TTN: variants seen among roughly 807,000 people sequenced by gnomAD.
The protein encoded by TTN is connectin.
A neutral mutation model predicts 3,223.0 loss-of-function variants in TTN; 1,525 were observed. That is an observed-to-expected ratio of 0.47 (90% CI 0.45 to 0.49). TTN has a LOEUF of 0.49. TTN is among the 20% of genes least tolerant of loss of function. The pLI, the probability that TTN is intolerant of heterozygous loss-of-function variation, is 0.00. For missense variants in TTN, 40,786 were observed against 43,424.0 expected, an observed-to-expected ratio of 0.94 and a Z score of 5.40; for synonymous variants, 14,094 against 15,161.0, an observed-to-expected ratio of 0.93 and a Z score of 5.17.
In TTN at chr2:178,560,915, A is replaced by G. The variant is rs1559292657; in HGVS notation, c.85217T>C (p.Ile28406Thr). The G allele has an allele frequency of 6.2e-7, 1 of 1,613,710 alleles. No individual in the cohort carries two copies. The highest frequency in any genetic ancestry group is 1.7e-5 in the Admixed American group (1 of 59,978). ...CAAAGTATGATTGTCTGTTGAGATG[A>G]TTTCTGTTCTTGCTCTTTCTTCAAT... Reference protein sequence around the residue: ...IEIEERARTEIISTDNHTLLT... With the variant: ...IEIEERARTETISTDNHTLLT... Residue 28406 changes from isoleucine (I) to threonine (T), a missense_variant, in exon 326 of 363, where the codon ATC (isoleucine) becomes ACC (threonine). Transcript: ENST00000589042.
In TTN at chr2:178,736,157, A is replaced by T. The variant is rs922002801; in HGVS notation, c.14372-83T>A. The T allele has an allele frequency of 2.4e-6, 3 of 1,275,818 alleles. No individual in the cohort carries two copies. In the African/African-American group the frequency reaches 4.5e-5, roughly 19 times the overall value. The allele number at this position is 1,275,818 out of a possible 1,614,324, so 79.0% of individuals were successfully genotyped here. A position where few individuals can be genotyped will look rare whatever the true frequency, so the allele number is the denominator to read the frequency against. On this transcript the variant is annotated intron_variant, in intron 49 of 362. Coordinates refer to ENST00000589042, the MANE Select transcript of TTN (RefSeq NM_001267550.2). Reference sequence around the variant, plus strand: ...TTATATATTCCAAGACAGAGAAAAGATGAGTTAAGTCTTTAGATAGACATG... The same window carrying T: ...TTATATATTCCAAGACAGAGAAAAGTTGAGTTAAGTCTTTAGATAGACATG...
At chr2:178,610,802 C>A (rs889766807) in intron 270 of TTN, among the ~76,000 whole-genome samples, 191 bp downstream of exon 270, 5 of 151,942 alleles carry the variant, frequency 3.3e-5, no homozygotes, top group Non-Finnish European at 7.4e-5. Context: ...ATAAATTAGT[C>A]TAATAAGCGT....
In TTN at chr2:178,632,644, C is replaced by G. The variant is rs878912118; in HGVS notation, c.43362G>C (p.Glu14454Asp). ...AATGCTTAGTGCCATCCTTTATAAG[C>G]TCAAATCTGTCATCACCTGTGATTT... ...TQEITGDDRF[E>D]LIKDGTKHSM... Residue 14454 changes from glutamate to aspartate, a missense_variant, in exon 235 of 363, where the codon GAG (glutamate) becomes GAC (aspartate). Glu to Asp is a conservative substitution (Grantham distance 45, BLOSUM62 2). Coordinates refer to ENST00000589042, the MANE Select transcript of TTN (RefSeq NM_001267550.2). The G allele has an allele frequency of 1.2e-6, 2 of 1,613,354 alleles. No individual in the cohort carries two copies. The highest frequency in any genetic ancestry group is 2.7e-5 in the African/African-American group (2 of 74,888).
At position 178,576,638 on chromosome 2, in the gene TTN, T is replaced by G. The variant is rs1484321589; in HGVS notation, c.69606A>C (p.Thr23202=). The G allele has an allele frequency of 1.2e-6, 2 of 1,613,502 alleles. No homozygotes were observed. Among genetic ancestry groups the G allele is most frequent in the African/African-American group, 1.3e-5 (1 of 74,908 alleles). The part of the protein sequence containing the change: ...TPVSDLRCKV[T]GLQEGSTYEF... ...CGTAGGTGCTTCCTTCTTGCAGTCC[T>G]GTTACTTTGCACCTGAGATCGGAAA... The change falls in exon 325 of 363, where the codon ACA becomes ACC. Residue 23202 remains threonine, a synonymous_variant. Coordinates refer to ENST00000589042, the MANE Select transcript of TTN (RefSeq NM_001267550.2). The surrounding 1 kb of genome is among the most constrained non-coding windows in gnomAD (Gnocchi z 4.3).
At position 178,759,063 on chromosome 2, in the gene TTN, T is replaced by G; in HGVS notation, c.10224A>C (p.Pro3408=). The G allele has an allele frequency of 1.2e-6, 2 of 1,614,064 alleles. No homozygotes were observed. The highest frequency in any genetic ancestry group is 1.7e-6 in the Non-Finnish European group (2 of 1,179,958). The change falls in exon 44 of 363, where the codon CCA becomes CCC. Residue 3408 remains proline (P), a synonymous_variant. Coordinates refer to ENST00000589042, the MANE Select transcript of TTN (RefSeq NM_001267550.2). ...TYQLEIAEAY[P]EDEGTYTFVA... ...CAAACGTGTAAGTTCCTTCATCTTC[T>G]GGATAAGCTTCGGCAATTTCCAGTT... is the stretch of plus-strand genomic sequence containing the variant.
In TTN at chr2:178,577,180, A is replaced by G; in HGVS notation, c.69155T>C (p.Val23052Ala). 1 of 1,612,984 alleles carries G rather than the reference A, an allele frequency of 6.2e-7. No homozygotes were observed. ...GPPGPVEISN[V>A]SAEKATLTWT... ...TGTAAGTGTTGCTTTTTCAGCAGAA[A>G]CATTACTGATTTCAACAGGACCTGG... is the stretch of plus-strand genomic sequence containing the variant. Residue 23052 changes from valine (V) to alanine (A), a missense_variant, in exon 324 of 363, where the codon GTT (valine) becomes GCT (alanine). Val to Ala is a moderately conservative substitution (Grantham distance 64). Transcript: ENST00000589042.
Position 178,609,585 on chromosome 2 carries a change from A to G in TTN, c.51740-15T>C. The G allele has an allele frequency of 6.3e-7, 1 of 1,576,116 alleles. No individual in the cohort carries two copies. The highest frequency in any genetic ancestry group is 8.6e-7 in the Non-Finnish European group (1 of 1,162,380). On this transcript the variant is annotated splice_polypyrimidine_tract_variant and intron_variant, in intron 272 of 362. Coordinates refer to ENST00000589042, the MANE Select transcript of TTN (RefSeq NM_001267550.2). ...TTTGGGGGCATCTATAGTGATCATA[A>G]CCAATAAATGTTTTCAATTCTGATG...
chr2:178,749,527 A>G lies in TTN; in HGVS notation c.11311+3597T>C. On this transcript the variant is annotated intron_variant, in intron 47 of 362. Coordinates refer to ENST00000589042, the MANE Select transcript of TTN (RefSeq NM_001267550.2). ...CATTTGTCCAGGGAGTAAAGGGACC[A>G]GCTGGATAATCATAAAAATGTGCCC... is the stretch of plus-strand genomic sequence containing the variant. 1.9e-6 allele frequency: 3 copies of G among 1,612,964 alleles called. No individual in the cohort carries two copies. In the South Asian group the frequency reaches 3.3e-5, roughly 18 times the overall value.
In TTN at chr2:178,707,555, T is replaced by C. The variant is rs530627450; in HGVS notation, c.29012A>G (p.Asp9671Gly). The C allele has an allele frequency of 6.2e-7, 1 of 1,613,614 alleles. No homozygotes were observed. The highest frequency in any genetic ancestry group is 1.1e-5 in the South Asian group (1 of 91,050). The change falls in exon 100 of 363, where the codon GAC becomes GGC. Residue 9671 changes from aspartate (D) to glycine (G), a missense_variant. By Grantham distance (94) the Asp-to-Gly change is moderately conservative. Transcript: ENST00000589042. Reference sequence around the variant, plus strand: ...AATGGTCACTTTTGATTTGGTAGTGTCACTTCCAGCCACATTTGAAGCTTT... The same window carrying C: ...AATGGTCACTTTTGATTTGGTAGTGCCACTTCCAGCCACATTTGAAGCTTT... ...VCKASNVAGSDTTKSKVTIKD... is the reference protein window; with the variant it reads ...VCKASNVAGSGTTKSKVTIKD...
Position 178,693,934 on chromosome 2 carries a change from C to A in TTN, c.31501G>T (p.Val10501Leu). The change falls in exon 118 of 363, where the codon GTG becomes TTG. Residue 10501 changes from valine (V) to leucine (L), a missense_variant. By Grantham distance (32) the Val-to-Leu change is conservative. Coordinates refer to ENST00000589042, the MANE Select transcript of TTN (RefSeq NM_001267550.2). ...MFFASHTEEE[V>L]SVTVPEVQKE... ...GTTTGCCTTATACCTGTGACTGACA[C>A]CTCCTCCTCTGTGTGAGAAGCAAAG... is the stretch of plus-strand genomic sequence containing the variant. 1 of 1,612,892 alleles carries A rather than the reference C, an allele frequency of 6.2e-7. No individual in the cohort carries two copies. Among genetic ancestry groups the A allele is most frequent in the East Asian group, 2.2e-5 (1 of 44,852 alleles).
chr2:178,759,111 C>T lies in TTN; in HGVS notation c.10176G>A (p.Met3392Ile). 4 of 1,613,978 alleles carry T rather than the reference C, an allele frequency of 2.5e-6. No individual in the cohort carries two copies. Among genetic ancestry groups the T allele is most frequent in the Non-Finnish European group, 3.4e-6 (4 of 1,179,954 alleles). The change falls in exon 44 of 363, where the codon ATG becomes ATA. Residue 3392 changes from methionine to isoleucine, a missense_variant. Physicochemically the swap from Met to Ile is conservative, Grantham distance 10. Transcript: ENST00000589042. ...KKIKPSRFFR[M>I]TQFEDTYQLE... ...GTTGATAAGTGTCTTCAAATTGAGT[C>T]ATTCTAAAGAACCGAGATGGCTTGA...
intron 359 of TTN, 94 bp from the exon 360 acceptor site, chr2:178,529,313 A>G: frequency 9.7e-7 from 1 of 1,030,708 alleles, no homozygotes; most frequent in Non-Finnish European, 1.3e-6. Context: ...ATAAAAAGAA[A>G]AAAAGTCAAC....
rs1182847537 is a variant in TTN, at chr2:178,759,170, G to A, written c.10117C>T (p.Leu3373=). The A allele has an allele frequency of 6.2e-7, 1 of 1,613,854 alleles. No homozygotes were observed. Among genetic ancestry groups the A allele is most frequent in the Admixed American group, 1.7e-5 (1 of 59,994 alleles). ...TCTTTGCTGTACCACGACACTTTTA[G>A]ATCTGCGACACAAAAGAAAAGAGAT... is the stretch of plus-strand genomic sequence containing the variant. ...RFQCRVSGTD[L]KVSWYSKDKK... Residue 3373 remains leucine, a splice_region_variant and synonymous_variant, in exon 44 of 363, where the codon CTA becomes TTA. Coordinates refer to ENST00000589042, the MANE Select transcript of TTN (RefSeq NM_001267550.2).
At chr2:178,582,652 T>A in intron 313 of TTN, 60 bp from the exon 314 acceptor site, 2 of 1,455,350 alleles carry the variant, frequency 1.4e-6, no homozygotes, top group East Asian at 4.7e-5. Context: ...AGAGTAGAGG[T>A]CTGGAGACCT....
rs1346945580 is a variant in TTN at position 178,757,839 on chromosome 2, G to T, written c.10381C>A (p.Leu3461Ile). The T allele has an allele frequency of 1.3e-6, 2 of 1,594,182 alleles. No homozygotes were observed. The highest frequency in any genetic ancestry group is 2.7e-5 in the African/African-American group (2 of 74,044). ...SLSVSFKKEP[L>I]GQKPSFIQPL... ...TGGATGAAGCTGGGCTTTTGGCCAA[G>T]GGGCTCCTTCTTAAATGAAACTGAT... Residue 3461 changes from leucine to isoleucine, a missense_variant, in exon 45 of 363, where the codon CTT (leucine) becomes ATT (isoleucine). Leu to Ile is a conservative substitution (Grantham distance 5). Coordinates refer to ENST00000589042, the MANE Select transcript of TTN (RefSeq NM_001267550.2).
intron 40 of TTN, 25 bp from the exon 41 acceptor site, chr2:178,766,637 A>G: frequency 6.4e-7 from 1 of 1,561,038 alleles, no homozygotes; most frequent in Non-Finnish European, 8.8e-7. Context: ...ACATAAAAAA[A>G]CAACAACAAC....
chr2:178,767,827 C>T lies in TTN; in HGVS notation c.9403G>A (p.Val3135Met), dbSNP rs557922344. 12 of 1,614,128 alleles carry T rather than the reference C, an allele frequency of 7.4e-6. No homozygotes were observed. The highest frequency in any genetic ancestry group is 6.7e-5 in the East Asian group (3 of 44,868). Residue 3135 changes from valine (V) to methionine (M), a missense_variant, in exon 40 of 363, where the codon GTG (valine) becomes ATG (methionine). Coordinates refer to ENST00000589042, the MANE Select transcript of TTN (RefSeq NM_001267550.2). ...GKYTVVAGGN[V>M]STAKLFVEGR... is the part of the protein sequence containing the mutation. ...TCTACAAAGAGTTTTGCAGTTGACA[C>T]GTTGCCTCCTGCCACCACTGTGTAC...
At chr2:178,529,551 A>T (rs1688121110) in intron 359 of TTN, among the ~76,000 whole-genome samples, 9 of 152,264 alleles carry the variant, frequency 5.9e-5, no homozygotes, top group Admixed American at 3.9e-4. Context: ...CTTTCAGAAG[A>T]TTGAAATGAA....
rs371621174 is a variant in TTN at position 178,620,958 on chromosome 2, G to A, written c.45652C>T (p.Arg15218Trp). The change falls in exon 247 of 363, where the codon CGG (arginine) becomes TGG (tryptophan). Residue 15218 changes from arginine to tryptophan, a missense_variant. Coordinates refer to ENST00000589042, the MANE Select transcript of TTN (RefSeq NM_001267550.2). ...ACAACTTCCTGTTGTTCCTTCACCC[G>A]GGTGTCCTTAAGAGGAACTACGATC... ...LRIVVPLKDT[R>W]VKEQQEVVFN... The A allele has an allele frequency of 4.6e-5, 74 of 1,612,024 alleles. No homozygotes were observed. Among genetic ancestry groups the A allele is most frequent in the Non-Finnish European group, 5.1e-5 (60 of 1,179,090 alleles).
Sources: allele counts gnomAD v4.1 joint callset (sites outside exome capture counted in the v4.1 genomes callset), GRCh38; gene constraint gnomAD v4.1.1; non-coding constraint Gnocchi (gnomAD v3.1); transcripts MANE v1.5; gene names NCBI Gene and HGNC (gene_info 2026-07-23, HGNC 2026-07-21).